The following NFAM1 variants were observed in gnomAD, a reference collection of about 807,000 sequenced individuals.
NFAM1 encodes NFAT activation molecule 1.
Under a neutral mutation model 29.0 loss-of-function variants are expected in NFAM1, and 17 were observed. The observed-to-expected ratio is 0.59, with a 90% confidence interval of 0.40 to 0.88. The LOEUF is 0.88. Ranked by LOEUF, NFAM1 falls within the 40% of genes least tolerant of loss-of-function variation. NFAM1 has a pLI of 0.00. For synonymous variants in NFAM1, 175 were observed against 147.2 expected (o/e 1.19, Z -1.36); for missense variants, 324 against 344.6 (o/e 0.94, Z 0.47).
At chr22:42,429,947 G>A (rs1012751794) in intron 1 of NFAM1, among the ~76,000 whole-genome samples, 7 of 152,198 alleles carry the variant, frequency 4.6e-5, no homozygotes, top group African/African-American at 1.7e-4. Flanking sequence ...AGATGAAGGG[G>A]GATGCACAGG....
chr22:42,415,186 C>CG (rs1199126516), intron 1 of NFAM1, among the ~76,000 whole-genome samples: 1 of 151,990 alleles, frequency 6.6e-6, no homozygotes. Context: ...CCAAAAAACC[C>CG]GGGGGAGGAG....
chr22:42,396,894 G>A (rs34797957), intron 4 of NFAM1, among the ~76,000 whole-genome samples: 25,345 of 151,874 alleles, frequency 0.17, 2,275 homozygotes, highest in African/African-American at 0.21. Context: ...CAGCACGTAC[G>A]AGCAGAACCC....
Position 42,411,675 on chromosome 22 carries a change from G to C in NFAM1, c.183C>G (p.Ile61Met). Reference protein sequence around the residue: ...PIMASLANTAISFSCRITYPY... With the variant: ...PIMASLANTAMSFSCRITYPY... ...GATAGGTGATCCTGCAGCTGAAGGA[G>C]ATAGCTGTGTTGGCCAGGGAGGCCA... is the stretch of plus-strand genomic sequence containing the variant. The change falls in exon 2 of 6, where the codon ATC becomes ATG. Residue 61 changes from isoleucine (I) to methionine (M), a missense_variant. Physicochemically the swap from Ile to Met is conservative, Grantham distance 10 (BLOSUM62 1). Transcript: ENST00000329021. 1 of 1,614,098 alleles carries C rather than the reference G, an allele frequency of 6.2e-7. No homozygotes were observed. The highest frequency in any genetic ancestry group is 1.7e-5 in the Admixed American group (1 of 60,028).
At chr22:42,435,815 C>CTT (rs890914167), upstream of NFAM1, among the ~76,000 whole-genome samples, 186 of 94,178 alleles carry the variant, frequency 2.0e-3, no homozygotes, top group African/African-American at 3.5e-3. Context: ...TTTTCTTCTT[C>CTT]TTTTTTTTTT....
At chr22:42,437,813 G>A in the NFAM1 span, among the ~76,000 whole-genome samples, 6 of 152,216 alleles carry the variant, frequency 3.9e-5, no homozygotes, top group Admixed American at 3.9e-4. Flanking sequence ...GGTTCCGGGG[G>A]GGTCCGGTGC....
chr22:42,422,339 C>T (rs1429650514), intron 1 of NFAM1, among the ~76,000 whole-genome samples: 1 of 152,198 alleles, frequency 6.6e-6, no homozygotes, highest in Admixed American at 6.5e-5. Context: ...GGCGCAGGTG[C>T]TCACGCCTGT....
At chr22:42,435,182 G>A (rs950053774), upstream of NFAM1, among the ~76,000 whole-genome samples, 2 of 152,212 alleles carry the variant, frequency 1.3e-5, no homozygotes, top group Non-Finnish European at 2.9e-5. Context: ...GAACAGGGAG[G>A]TTAAAGTAAT....
chr22:42,395,056 C>T (rs111363651), intron 4 of NFAM1, among the ~76,000 whole-genome samples: 157 of 152,252 alleles, frequency 1.0e-3, no homozygotes, highest in African/African-American at 3.6e-3. Flanking sequence ...CACTCATAGT[C>T]CCAGCCACCC....
At position 42,382,533 on chromosome 22, in the gene NFAM1, CAA is replaced by C. The variant is rs1203451923; in HGVS notation, c.*2626_*2627del. ...TCCTCCACCCATTCATAGTGGAAAG[CAA>C]GCCTGCACCCCAGGAGCTCCCATTC... On this transcript the variant is annotated 3_prime_UTR_variant, in exon 6 of 6. Coordinates refer to ENST00000329021, the MANE Select transcript of NFAM1 (RefSeq NM_145912.8). 2 of 152,232 alleles carry C rather than the reference CAA, an allele frequency of 1.3e-5. No individual in the cohort carries two copies. Among genetic ancestry groups the C allele is most frequent in the Non-Finnish European group, 2.9e-5 (2 of 68,066 alleles). The allele number at this position is 152,232 out of a possible 1,614,324, so 9.4% of individuals were successfully genotyped here.
chr22:42,389,986 A>C (rs1929279069), intron 4 of NFAM1, among the ~76,000 whole-genome samples: 1 of 152,170 alleles, frequency 6.6e-6, no homozygotes, highest in Admixed American at 6.5e-5. Context: ...TAGACCAGGC[A>C]GTGGAAATGG....
intron 1 of NFAM1, among the ~76,000 whole-genome samples, chr22:42,420,005 T>TG (rs1930388749): frequency 1.1e-5 from 1 of 87,172 alleles, no homozygotes; most frequent in Non-Finnish European, 2.6e-5. Context: ...TTTTTTTTTT[T>TG]TTTTTTTTTT....
At chr22:42,420,013 T>TTTTCTG (rs1930390204) in intron 1 of NFAM1, among the ~76,000 whole-genome samples, 1 of 124,516 alleles carries the variant, frequency 8.0e-6, no homozygotes, top group Non-Finnish European at 1.7e-5. Context: ...TTTTTTTTTT[T>TTTTCTG]TTTTTTTTTT....
Position 42,385,116 on chromosome 22 carries a change from C to T in NFAM1, c.*45G>A, listed in dbSNP as rs560043090. The T allele has an allele frequency of 2.1e-5, 31 of 1,476,276 alleles. No homozygotes were observed. The highest frequency in any genetic ancestry group is 1.0e-4 in the South Asian group (9 of 88,256). The allele number at this position is 1,476,276 out of a possible 1,614,324, so 91.4% of individuals were successfully genotyped here. A position where few individuals can be genotyped will look rare whatever the true frequency, so the allele number is the denominator to read the frequency against. ...AGTCCTTTGGTGGCAGGGGCTGCCC[C>T]GGTCCTCTGACCCAGGGCAAGCTCT... On this transcript the variant is annotated 3_prime_UTR_variant, in exon 6 of 6. Coordinates refer to ENST00000329021, the MANE Select transcript of NFAM1 (RefSeq NM_145912.8).
chr22:42,408,740 T>A (rs1929980537), intron 3 of NFAM1, among the ~76,000 whole-genome samples: 1 of 152,190 alleles, frequency 6.6e-6, no homozygotes, highest in Non-Finnish European at 1.5e-5. Flanking sequence ...ATGATGAGCA[T>A]GAGGGGAGCC....
chr22:42,394,386 G>T (rs1345508198), intron 4 of NFAM1, among the ~76,000 whole-genome samples: 3 of 151,216 alleles, frequency 2.0e-5, no homozygotes, highest in Non-Finnish European at 4.4e-5. Flanking sequence ...ATTTTAATGG[G>T]GTCTTGCTAT....
chr22:42,435,411 G>A (rs1312189203), upstream of NFAM1, among the ~76,000 whole-genome samples: 5 of 150,418 alleles, frequency 3.3e-5, no homozygotes, highest in East Asian at 5.8e-4. Flanking sequence ...GCAATGGCGC[G>A]ATCTCGGCTC....
Position 42,410,457 on chromosome 22 carries a change from G to A in NFAM1, c.452-910C>T, listed in dbSNP as rs146626745. On this transcript the variant is annotated intron_variant, in intron 2 of 5. Transcript: ENST00000329021. ...GGCGGATCACTTGAGGTCAGGATTCGAGACCAGCCTGGCCAACATGGCGAA... is the reference window on the plus strand; with the variant it reads ...GGCGGATCACTTGAGGTCAGGATTCAAGACCAGCCTGGCCAACATGGCGAA... The A allele has an allele frequency of 4.3e-3, 1,635 of 383,418 alleles. 31 individuals carry two copies. Among genetic ancestry groups the A allele is most frequent in the African/African-American group, 0.031 (1,480 of 47,060 alleles). The allele number at this position is 383,418 out of a possible 1,614,324, so 23.8% of individuals were successfully genotyped here.
chr22:42,393,172 T>G (rs1399986436), intron 4 of NFAM1, among the ~76,000 whole-genome samples: 3 of 151,944 alleles, frequency 2.0e-5, no homozygotes, highest in Non-Finnish European at 4.4e-5. Flanking sequence ...GAATTGACAA[T>G]AATTAAAAGA....
chr22:42,426,269 T>C (rs1930618671), intron 1 of NFAM1, among the ~76,000 whole-genome samples: 1 of 152,152 alleles, frequency 6.6e-6, no homozygotes, highest in Non-Finnish European at 1.5e-5. Flanking sequence ...GGTTATGCTC[T>C]GTGGACCTCT....
Sources: allele counts gnomAD v4.1 joint callset (sites outside exome capture counted in the v4.1 genomes callset), GRCh38; gene constraint gnomAD v4.1.1; transcripts MANE v1.5; gene names NCBI Gene and HGNC (gene_info 2026-07-23, HGNC 2026-07-21).